Variants in SHROOM3 observed in about 807,000 individuals in gnomAD.
SHROOM3 encodes the protein shroom family member 3, also known as protein Shroom3.
In SHROOM3, 47 loss-of-function variants were observed where a neutral mutation model predicts 138.6. The observed-to-expected ratio is 0.34, with a 90% CI of 0.27 to 0.43. The LOEUF (loss-of-function observed/expected upper bound fraction) is 0.43, where lower values mean the gene tolerates loss of function less well. Among genes scored for constraint, SHROOM3 ranks in the 20% least tolerant of loss-of-function variants. SHROOM3 has a pLI of 1.00. For missense variants in SHROOM3, 2,491 were observed against 2,596.5 expected (o/e 0.96, Z 0.88); for synonymous variants, 1,062 against 1,063.3 (o/e 1.00, Z 0.02).
At chr4:76,514,681 C>T (rs779537174) in intron 1 of SHROOM3, among the ~76,000 whole-genome samples, 10 of 152,056 alleles carry the variant, frequency 6.6e-5, no homozygotes, top group Non-Finnish European at 8.8e-5. Context: ...CGAATTACAT[C>T]TCAATAATAT....
At chr4:76,735,968 T>C (rs1721059234) in intron 4 of SHROOM3, among the ~76,000 whole-genome samples, 1 of 148,542 alleles carries the variant, frequency 6.7e-6, no homozygotes, top group Non-Finnish European at 1.5e-5. Context: ...TTTACTTTGA[T>C]TTGTTGTGTG....
chr4:76,743,909 C>T (rs979547264), intron 5 of SHROOM3, among the ~76,000 whole-genome samples: 3 of 152,198 alleles, frequency 2.0e-5, no homozygotes, highest in African/African-American at 7.2e-5. Flanking sequence ...ATTTTAGCAA[C>T]TTAACTGCAT....
chr4:76,682,453 A>T (rs1439257637), intron 2 of SHROOM3, among the ~76,000 whole-genome samples: 1 of 152,082 alleles, frequency 6.6e-6, no homozygotes, highest in East Asian at 1.9e-4. Flanking sequence ...ACCACACTCC[A>T]CCATCCTTAG....
chr4:76,577,910 T>C (rs1482577425), intron 2 of SHROOM3, among the ~76,000 whole-genome samples: 1 of 152,184 alleles, frequency 6.6e-6, no homozygotes, highest in East Asian at 1.9e-4. Context: ...GTAGATAATA[T>C]CTATGTTAAT....
intron 2 of SHROOM3, chr4:76,587,228 G>A (rs1268223734): frequency 6.6e-6 from 1 of 152,146 alleles, no homozygotes; most frequent in African/African-American, 2.4e-5. Flanking sequence ...CACCGTATTT[G>A]TAACTTGAGG....
chr4:76,511,009 C>T (rs1305124510), intron 1 of SHROOM3, among the ~76,000 whole-genome samples: 6 of 151,978 alleles, frequency 3.9e-5, no homozygotes, highest in Admixed American at 6.6e-5. Context: ...GGTGAAACCC[C>T]GCCTGTACTA....
chr4:76,713,336 T>C (rs1453053476), intron 3 of SHROOM3, among the ~76,000 whole-genome samples: 1 of 152,140 alleles, frequency 6.6e-6, no homozygotes, highest in Non-Finnish European at 1.5e-5. Flanking sequence ...TTCATTGAAT[T>C]TTTTTTTCTT....
intron 1 of SHROOM3, among the ~76,000 whole-genome samples, chr4:76,475,985 A>G (rs1441106676): frequency 6.6e-6 from 1 of 151,910 alleles, no homozygotes; most frequent in African/African-American, 2.4e-5. Flanking sequence ...ACTGTTTTTT[A>G]AAAAAATTCT....
chr4:76,563,249 C>T (rs187153251), intron 2 of SHROOM3, among the ~76,000 whole-genome samples: 88 of 152,284 alleles, frequency 5.8e-4, no homozygotes, highest in African/African-American at 2.0e-3. Context: ...GATGATTGCT[C>T]TATTTAATGG....
intron 2 of SHROOM3, among the ~76,000 whole-genome samples, chr4:76,665,050 G>T (rs918215257): frequency 1.1e-4 from 17 of 152,154 alleles, no homozygotes; most frequent in Non-Finnish European, 2.5e-4. Context: ...ACCTTGACTT[G>T]GAGGGAAGGA....
At chr4:76,686,308 T>C (rs1046045096) in intron 2 of SHROOM3, among the ~76,000 whole-genome samples, 9 of 152,182 alleles carry the variant, frequency 5.9e-5, no homozygotes, top group Non-Finnish European at 8.8e-5. Context: ...TCGTAGACTA[T>C]TTCTAAGTGA....
At chr4:76,625,976 T>G (rs765485216) in intron 2 of SHROOM3, among the ~76,000 whole-genome samples, 1 of 152,226 alleles carries the variant, frequency 6.6e-6, no homozygotes, top group Non-Finnish European at 1.5e-5. Context: ...GTCACTCAGT[T>G]TGCTTTAAAC....
At position 76,555,636 on chromosome 4, in the gene SHROOM3, C is replaced by T. The variant is rs770324004; in HGVS notation, c.196C>T (p.Leu66=). The change falls in exon 2 of 11, where the codon CTG becomes TTG. Residue 66 remains leucine (L), a synonymous_variant. Transcript: ENST00000296043. ...CGAAGAAGGGGGCAAAGCAGACACC[C>T]TGAGCTCCAAACTGCAGGCTGGGGA... ...KVEEGGKADT[L]SSKLQAGDEV... 1.2e-6 allele frequency: 2 copies of T among 1,613,910 alleles called. No individual in the cohort carries two copies. Among genetic ancestry groups the T allele is most frequent in the Non-Finnish European group, 1.7e-6 (2 of 1,180,004 alleles).
chr4:76,455,703 T>C (rs1731013523), intron 1 of SHROOM3, among the ~76,000 whole-genome samples: 1 of 152,094 alleles, frequency 6.6e-6, no homozygotes, highest in African/African-American at 2.4e-5. Flanking sequence ...AAAAATGAAA[T>C]TAGATTTTTT....
At chr4:76,707,354 C>T (rs1720087732) in intron 2 of SHROOM3, among the ~76,000 whole-genome samples, 1 of 152,192 alleles carries the variant, frequency 6.6e-6, no homozygotes. Flanking sequence ...CTCTGTATCT[C>T]AGGTTGTCAG....
chr4:76,551,899 TC>T (rs1733362067), intron 1 of SHROOM3, among the ~76,000 whole-genome samples: 1 of 151,594 alleles, frequency 6.6e-6, no homozygotes, highest in Non-Finnish European at 1.5e-5. Flanking sequence ...TCTCGCTCTG[TC>T]ACCCAGGCTG....
At chr4:76,594,724 T>G (rs4397016) in intron 2 of SHROOM3, among the ~76,000 whole-genome samples, 44,567 of 152,000 alleles carry the variant, frequency 0.29, 6,683 homozygotes, top group East Asian at 0.43. Context: ...AGGGAACCAT[T>G]GGAACGCCAT....
At chr4:76,546,938 A>C (rs1175770585) in intron 1 of SHROOM3, among the ~76,000 whole-genome samples, 5 of 152,218 alleles carry the variant, frequency 3.3e-5, no homozygotes, top group Admixed American at 6.5e-5. Flanking sequence ...CTTCTACCGG[A>C]TGAGTTTAAT....
rs200382364 is a variant in SHROOM3, at chr4:76,683,186, G to GT, written c.324-26961dup. On this transcript the variant is annotated intron_variant, in intron 2 of 10. Transcript: ENST00000296043. ...ACAGTCAACGTAGTTTTGCTGAATAGTTTTTTTTTCATAATCATCTATTAT... is the reference window on the plus strand; with the variant it reads ...ACAGTCAACGTAGTTTTGCTGAATAGTTTTTTTTTTCATAATCATCTATTAT... Among the ~76,000 whole-genome samples the GT allele has an allele frequency of 4.2e-3, 638 of 151,252 alleles. 1 individual carries two copies. The highest frequency in any genetic ancestry group is 0.02 in the Middle Eastern group (6 of 294).
Sources: allele counts gnomAD v4.1 joint callset (sites outside exome capture counted in the v4.1 genomes callset), GRCh38; gene constraint gnomAD v4.1.1; transcripts MANE v1.5; gene names NCBI Gene and HGNC (gene_info 2026-07-23, HGNC 2026-07-21).